CPA6: variants seen among roughly 807,000 people sequenced by gnomAD.
The protein encoded by CPA6 is carboxypeptidase B.
A neutral mutation model predicts 63.3 loss-of-function variants in CPA6; 58 were observed. The ratio of observed to expected loss-of-function variants is 0.92; its 90% confidence interval spans 0.74 to 1.14. The LOEUF is 1.14. Ranked by LOEUF, CPA6 falls within the 50% of genes most tolerant of loss-of-function variation. The pLI is 0.00. For synonymous variants in CPA6, 185 were observed against 179.0 expected (o/e 1.03, Z -0.27); for missense variants, 565 against 526.6 (o/e 1.07, Z -0.71).
intron 1 of CPA6, among the ~76,000 whole-genome samples, chr8:67,642,986 T>C (rs1815629884): frequency 6.6e-6 from 1 of 152,158 alleles, no homozygotes; most frequent in South Asian, 2.1e-4. Context: ...GAGGAACTTT[T>C]CATGAAAATA....
At chr8:67,616,735 C>T (rs1814963873) in intron 2 of CPA6, among the ~76,000 whole-genome samples, 1 of 152,068 alleles carries the variant, frequency 6.6e-6, no homozygotes, top group Non-Finnish European at 1.5e-5. Context: ...GTACTCTAAG[C>T]TTGGGTTCAA....
intron 6 of CPA6, among the ~76,000 whole-genome samples, chr8:67,505,824 A>G (rs1811915246): frequency 6.6e-6 from 1 of 152,182 alleles, no homozygotes; most frequent in Non-Finnish European, 1.5e-5. Flanking sequence ...CAAAGTTACA[A>G]ATTCCACTGC....
chr8:67,733,196 C>CAAAAAAA (rs1211323183), intron 1 of CPA6, among the ~76,000 whole-genome samples: 317 of 14,876 alleles, frequency 0.021, 42 homozygotes, highest in African/African-American at 0.06. Context: ...GACTCCATCT[C>CAAAAAAA]AAAAAAAAAA....
chr8:67,536,950 A>G (rs1054589745), intron 2 of CPA6, among the ~76,000 whole-genome samples: 4 of 152,164 alleles, frequency 2.6e-5, no homozygotes, highest in African/African-American at 9.7e-5. Context: ...TTATTGAGAT[A>G]ATCGTGTGGT....
intron 10 of CPA6, among the ~76,000 whole-genome samples, chr8:67,427,414 G>A (rs1809915378): frequency 6.6e-6 from 1 of 152,148 alleles, no homozygotes; most frequent in Non-Finnish European, 1.5e-5. Context: ...TGTACACATA[G>A]AATTAATAAA....
chr8:67,467,983 G>A (rs543823089), intron 8 of CPA6, among the ~76,000 whole-genome samples: 13 of 151,324 alleles, frequency 8.6e-5, no homozygotes, highest in African/African-American at 1.9e-4. Flanking sequence ...GCTTGAACCC[G>A]GGAGGTGGAG....
At chr8:67,423,687 C>G (rs1281924262) in intron 10 of CPA6, among the ~76,000 whole-genome samples, 1 of 152,220 alleles carries the variant, frequency 6.6e-6, no homozygotes, top group Non-Finnish European at 1.5e-5. Flanking sequence ...TAAAGTCACA[C>G]TACCTCATTA....
intron 1 of CPA6, among the ~76,000 whole-genome samples, chr8:67,722,835 T>C (rs999383497): frequency 2.0e-5 from 3 of 152,090 alleles, no homozygotes; most frequent in African/African-American, 7.2e-5. Context: ...TCAGTTCTTA[T>C]GAAATACATC....
At chr8:67,615,628 G>A (rs1814925717) in intron 2 of CPA6, among the ~76,000 whole-genome samples, 1 of 152,222 alleles carries the variant, frequency 6.6e-6, no homozygotes, top group Non-Finnish European at 1.5e-5. Context: ...AAGCCTTTCA[G>A]TACCAGCTGA....
At chr8:67,602,414 ATTG>A (rs1037091295) in intron 2 of CPA6, among the ~76,000 whole-genome samples, 1 of 152,172 alleles carries the variant, frequency 6.6e-6, no homozygotes, top group African/African-American at 2.4e-5. Context: ...ACATCAATGC[ATTG>A]TTACCTATTC....
chr8:67,701,647 G>C (rs117044886), intron 1 of CPA6, among the ~76,000 whole-genome samples: 1 of 152,276 alleles, frequency 6.6e-6, no homozygotes, highest in Non-Finnish European at 1.5e-5. Flanking sequence ...ATAGTGAAAG[G>C]TCTGTGTGGT....
At chr8:67,571,694 G>C (rs1813489434) in intron 2 of CPA6, among the ~76,000 whole-genome samples, 1 of 152,180 alleles carries the variant, frequency 6.6e-6, no homozygotes, top group Non-Finnish European at 1.5e-5. Flanking sequence ...AGCAAAAGCA[G>C]TTGTAAGAGG....
At chr8:67,559,852 AAT>A (rs71554612) in intron 2 of CPA6, among the ~76,000 whole-genome samples, 2 of 148,124 alleles carry the variant, frequency 1.4e-5, no homozygotes, top group Admixed American at 6.7e-5. Context: ...AGTTGGACAA[AAT>A]ATATATATAT....
In CPA6 at chr8:67,584,848, C is replaced by G. The variant is rs1465125714; in HGVS notation, c.192+39328G>C. Among the ~76,000 whole-genome samples the G allele has an allele frequency of 5.9e-5, 9 of 152,116 alleles. No individual in the cohort carries two copies. The East Asian group carries it at 1.7e-3, about 29-fold the overall frequency. ...TCATGTGTTAGAGGATGGGAGGAAC[C>G]ATGCCATAGCTAAGATAAAGCCAAC... is the stretch of plus-strand genomic sequence containing the variant. On this transcript the variant is annotated intron_variant, in intron 2 of 10. Coordinates refer to ENST00000297770, the MANE Select transcript of CPA6 (RefSeq NM_020361.5).
intron 2 of CPA6, among the ~76,000 whole-genome samples, chr8:67,573,609 G>A (rs1587581166): frequency 6.6e-6 from 1 of 151,692 alleles, no homozygotes; most frequent in African/African-American, 2.4e-5. Context: ...ATGAAGGAAA[G>A]AGGCCGGGCA....
intron 1 of CPA6, among the ~76,000 whole-genome samples, chr8:67,656,004 G>C (rs1226962686): frequency 6.6e-6 from 1 of 152,152 alleles, no homozygotes; most frequent in South Asian, 2.1e-4. Flanking sequence ...GGAGGCTTAT[G>C]GGCTTTATGA....
chr8:67,557,596 C>T (rs73692159), intron 2 of CPA6, among the ~76,000 whole-genome samples: 10,002 of 152,138 alleles, frequency 0.066, 552 homozygotes, highest in African/African-American at 0.14. Flanking sequence ...CCCCAACCCC[C>T]TATTTTCAGA....
chr8:67,533,453 A>T (rs1812519281), intron 2 of CPA6, among the ~76,000 whole-genome samples: 1 of 152,264 alleles, frequency 6.6e-6, no homozygotes, highest in Non-Finnish European at 1.5e-5. Flanking sequence ...TGATAGTATG[A>T]GAAAGTTATA....
intron 1 of CPA6, among the ~76,000 whole-genome samples, chr8:67,682,751 T>C (rs1816623337): frequency 6.6e-6 from 1 of 152,232 alleles, no homozygotes; most frequent in South Asian, 2.1e-4. Flanking sequence ...TTTTGTTCCA[T>C]AGAAGGTAGA....
Sources: allele counts gnomAD v4.1 joint callset (sites outside exome capture counted in the v4.1 genomes callset), GRCh38; gene constraint gnomAD v4.1.1; transcripts MANE v1.5; gene names NCBI Gene and HGNC (gene_info 2026-07-23, HGNC 2026-07-21).